The following VWDE variants were observed in gnomAD, a reference collection of about 807,000 sequenced individuals.
The protein encoded by VWDE is von Willebrand factor D and EGF domains.
A neutral mutation model predicts 178.4 loss-of-function variants in VWDE; 207 were observed. The observed-to-expected ratio is 1.16, with a 90% CI of 1.04 to 1.30. The LOEUF is 1.30. VWDE is among the 50% of genes most tolerant of loss of function. The pLI, the probability that VWDE is intolerant of heterozygous loss-of-function variation, is 0.00. For synonymous variants in VWDE, 738 were observed against 651.4 expected (o/e 1.13, Z -2.02); for missense variants, 2,287 against 1,901.3 (o/e 1.20, Z -3.77).
At chr7:12,366,476 T>C (rs1782866289) in intron 13 of VWDE, among the ~76,000 whole-genome samples, 1 of 152,166 alleles carries the variant, frequency 6.6e-6, no homozygotes, top group Non-Finnish European at 1.5e-5. Flanking sequence ...TTCTCTTAAG[T>C]GATATTAAAA....
chr7:12,382,459 GA>G (rs1409380497), intron 4 of VWDE, among the ~76,000 whole-genome samples: 1 of 151,488 alleles, frequency 6.6e-6, no homozygotes, highest in Non-Finnish European at 1.5e-5. Context: ...AAAAGGGCTA[GA>G]AAAAAACCAT....
Position 12,333,520 on chromosome 7 carries a change from T to C in VWDE, c.4703A>G (p.Asn1568Ser), listed in dbSNP as rs1174768880. 1 of 1,551,284 alleles carries C rather than the reference T, an allele frequency of 6.4e-7. No homozygotes were observed. The highest frequency in any genetic ancestry group is 2.4e-5 in the East Asian group (1 of 40,884). ...CLYGGRCIFP[N>S]VCSCRTEYSG... ...GTATTCAGTGCGGCAGGAACACACA[T>C]TGGGAAATATGCATCTGCCTCCATA... Residue 1568 changes from asparagine (N) to serine (S), a missense_variant, in exon 28 of 29, where the codon AAT (asparagine) becomes AGT (serine). Transcript: ENST00000275358.
At chr7:12,374,663 A>G (rs1315287188) in intron 9 of VWDE, 26 bp downstream of exon 9, 2 of 1,465,994 alleles carry the variant, frequency 1.4e-6, no homozygotes, top group African/African-American at 1.4e-5. Context: ...CAAAACTACT[A>G]AAAGAAGAAA....
At position 12,356,314 on chromosome 7, in the gene VWDE, C is replaced by T. The variant is rs1189093851; in HGVS notation, c.3542G>A (p.Cys1181Tyr). 4 of 1,550,960 alleles carry T rather than the reference C, an allele frequency of 2.6e-6. No homozygotes were observed. The highest frequency in any genetic ancestry group is 3.5e-6 in the Non-Finnish European group (4 of 1,146,794). ...ACATGATCCACCATTCAAGCAATCA[C>T]AAGACTTCACAGTCACCTACAAAAC... is the stretch of plus-strand genomic sequence containing the variant. ...RVTIEVTVKS[C>Y]DCLNGGSCVS... Residue 1181 changes from cysteine (C) to tyrosine (Y), a missense_variant, in exon 18 of 29, where the codon TGT (cysteine) becomes TAT (tyrosine). Coordinates refer to ENST00000275358, the MANE Select transcript of VWDE (RefSeq NM_001135924.3).
At chr7:12,333,744 G>T in intron 27 of VWDE, 176 bp from the exon 28 acceptor site, 3 of 421,638 alleles carry the variant, frequency 7.1e-6, no homozygotes, top group Non-Finnish European at 8.5e-6. Context: ...CAGAGCACAC[G>T]CACACATCAA....
In VWDE at chr7:12,361,464, T is replaced by C. The variant is rs1029042848; in HGVS notation, c.2956A>G (p.Asn986Asp). ...EPIYTQTVFHNSRAVDCQLPT... is the reference protein window; with the variant it reads ...EPIYTQTVFHDSRAVDCQLPT... ...AGCTGACAATCAACAGCTCTGCTAT[T>C]GTGGAAAACAGTCTGTGTATAGATG... The change falls in exon 14 of 29, where the codon AAT becomes GAT. Residue 986 changes from asparagine to aspartate, a missense_variant. Physicochemically the swap from Asn to Asp is conservative, Grantham distance 23. Transcript: ENST00000275358. The C allele has an allele frequency of 6.4e-7, 1 of 1,551,240 alleles. No individual in the cohort carries two copies. Among genetic ancestry groups the C allele is most frequent in the African/African-American group, 1.4e-5 (1 of 73,136 alleles).
At chr7:12,391,986 T>C (rs762845419) in intron 2 of VWDE, among the ~76,000 whole-genome samples, 21 of 152,286 alleles carry the variant, frequency 1.4e-4, no homozygotes, top group Middle Eastern at 3.4e-3. Flanking sequence ...ATGAACACGT[T>C]AGTAATTTGG....
chr7:12,394,757 C>T (rs1163588940), intron 1 of VWDE, among the ~76,000 whole-genome samples: 1 of 152,022 alleles, frequency 6.6e-6, no homozygotes, highest in Admixed American at 6.6e-5. Context: ...ATAAAGATGG[C>T]ATCTATGAAA....
chr7:12,368,057 C>A (rs889221769), intron 12 of VWDE, among the ~76,000 whole-genome samples: 2 of 151,418 alleles, frequency 1.3e-5, no homozygotes, highest in African/African-American at 4.9e-5. Context: ...TATTCAGAAC[C>A]TTAAAAATCT....
At chr7:12,387,919 A>G (rs758993614) in intron 3 of VWDE, among the ~76,000 whole-genome samples, 10 of 152,178 alleles carry the variant, frequency 6.6e-5, no homozygotes, top group South Asian at 2.1e-4. Context: ...ATTTGCACTT[A>G]TCAATCTTCC....
chr7:12,365,106 A>G lies in VWDE; in HGVS notation c.2898+2251T>C, dbSNP rs79974370. Among the ~76,000 whole-genome samples, 185 of 152,256 alleles carry G rather than the reference A, an allele frequency of 1.2e-3. 1 individual carries two copies. Among genetic ancestry groups the G allele is most frequent in the African/African-American group, 4.1e-3 (171 of 41,572 alleles). The stretch of plus-strand genomic sequence containing the variant: ...TTCAAAAGAGCCAAGTGTGCAAAAG[A>G]TAAAGAAAGATGGAGCACTGTCACA... On this transcript the variant is annotated intron_variant, in intron 13 of 28. Coordinates refer to ENST00000275358, the MANE Select transcript of VWDE (RefSeq NM_001135924.3).
chr7:12,383,794 ACAAT>A (rs1449270778), intron 3 of VWDE, among the ~76,000 whole-genome samples, 193 bp from the exon 4 acceptor site: 1 of 152,198 alleles, frequency 6.6e-6, no homozygotes, highest in Non-Finnish European at 1.5e-5. Context: ...ATATTTCAAA[ACAAT>A]CAAAGCTTTA....
chr7:12,344,014 C>G (rs1188032679), intron 21 of VWDE, among the ~76,000 whole-genome samples, 181 bp downstream of exon 21: 1 of 151,912 alleles, frequency 6.6e-6, no homozygotes, highest in Non-Finnish European at 1.5e-5. Context: ...AAATTTAATT[C>G]TTTAGAATCT....
intron 13 of VWDE, among the ~76,000 whole-genome samples, chr7:12,363,362 A>G (rs1233080633): frequency 1.3e-5 from 2 of 152,078 alleles, no homozygotes; most frequent in Non-Finnish European, 2.9e-5. Context: ...AAGCCTACAA[A>G]TATAGACAAG....
intron 1 of VWDE, among the ~76,000 whole-genome samples, chr7:12,396,827 C>T (rs538257471): frequency 1.1e-4 from 16 of 151,762 alleles, no homozygotes; most frequent in Admixed American, 8.5e-4. Context: ...CCCAACTACT[C>T]GGGAGGCTGA....
At chr7:12,360,814 C>A (rs887697671) in intron 15 of VWDE, among the ~76,000 whole-genome samples, 1 of 152,088 alleles carries the variant, frequency 6.6e-6, no homozygotes, top group Non-Finnish European at 1.5e-5. Context: ...TCACTTGATG[C>A]AAAGAAGAGT....
At chr7:12,374,962 TTTCTTCTTAAAGCTTCAC>T in intron 8 of VWDE, 30 bp downstream of exon 8, 1 of 1,502,510 alleles carries the variant, frequency 6.7e-7, no homozygotes, top group South Asian at 1.2e-5. Flanking sequence ...AAAATACACA[TTTCTTCTTAAAGCTTCAC>T]TTGCAGTATT....
chr7:12,389,902 C>A (rs1182611742), intron 2 of VWDE, among the ~76,000 whole-genome samples: 1 of 152,246 alleles, frequency 6.6e-6, no homozygotes, highest in South Asian at 2.1e-4. Flanking sequence ...GTGGCGCATG[C>A]CTGCAATCCC....
At chr7:12,362,170 G>C (rs1782618839) in intron 13 of VWDE, among the ~76,000 whole-genome samples, 1 of 151,634 alleles carries the variant, frequency 6.6e-6, no homozygotes, top group South Asian at 2.1e-4. Flanking sequence ...CCAGTATATA[G>C]TGAAACAGGA....
Sources: gnomAD v4.1 joint callset for allele counts (sites outside exome capture counted in the v4.1 genomes callset) on GRCh38, gnomAD v4.1.1 for gene constraint, MANE v1.5 for transcripts, NCBI Gene and HGNC (gene_info 2026-07-23, HGNC 2026-07-21) for gene names.